SLC45A4: variants seen among roughly 807,000 people sequenced by gnomAD.
The protein encoded by SLC45A4 is polyamine-transporter SLC45A4.
A neutral mutation model predicts 63.7 loss-of-function variants in SLC45A4; 32 were observed. The observed-to-expected ratio is 0.50, with a 90% CI of 0.38 to 0.67. SLC45A4 has a LOEUF of 0.67. Among genes scored for constraint, SLC45A4 ranks in the 30% least tolerant of loss-of-function variants. The pLI is 0.00. For synonymous variants in SLC45A4, 535 were observed against 510.0 expected, an observed-to-expected ratio of 1.05 and a Z score of -0.66; for missense variants, 1,027 against 1,157.7, an observed-to-expected ratio of 0.89 and a Z score of 1.64.
At position 141,212,392 on chromosome 8, in the gene SLC45A4, G is replaced by A; in HGVS notation, c.2106C>T (p.Gly702=). 1.2e-6 allele frequency: 2 copies of A among 1,613,726 alleles called. No homozygotes were observed. The highest frequency in any genetic ancestry group is 1.7e-6 in the Non-Finnish European group (2 of 1,180,036). The change falls in exon 8 of 9, where the codon GGC becomes GGT. Residue 702 remains glycine (G), a synonymous_variant. Coordinates refer to ENST00000517878, the MANE Select transcript of SLC45A4 (RefSeq NM_001286646.2). ...TGGCCGTCAGGAAGCCCAGGAAAGAGCCCACAGAGGCCACCATGGGGATGA... is the reference window on the plus strand; with the variant it reads ...TGGCCGTCAGGAAGCCCAGGAAAGAACCCACAGAGGCCACCATGGGGATGA... The part of the protein sequence containing the change: ...VRVIPMVASV[G]SFLGFLTATF...
Position 141,208,532 on chromosome 8 carries a change from G to A in SLC45A4, c.*3040C>T, listed in dbSNP as rs1356003625. The stretch of plus-strand genomic sequence containing the variant: ...TGCCTCCCCCCCGGGGACAGGACTG[G>A]ACAGAGTGCTTCTCCCAGGGGCCTG... On this transcript the variant is annotated 3_prime_UTR_variant, in exon 9 of 9. Coordinates refer to ENST00000517878, the MANE Select transcript of SLC45A4 (RefSeq NM_001286646.2). 1 of 152,548 alleles carries A rather than the reference G, an allele frequency of 6.6e-6. No homozygotes were observed. Among genetic ancestry groups the A allele is most frequent in the Non-Finnish European group, 1.5e-5 (1 of 68,300 alleles). The allele number at this position is 152,548 out of a possible 1,614,324, so 9.4% of individuals were successfully genotyped here. A position where few individuals can be genotyped will look rare whatever the true frequency, so the allele number is the denominator to read the frequency against.
intron 2 of SLC45A4, chr8:141,230,382 CCCATGGGTG>C: frequency 3.0e-6 from 1 of 338,654 alleles, no homozygotes; most frequent in Non-Finnish European, 5.8e-6. Context: ...GCCGCAAAGA[CCCATGGGTG>C]CCGAGGGTTC....
rs1828778101 is a variant in SLC45A4 at position 141,256,438 on chromosome 8, C to T, written c.-400-1809G>A. The T allele has an allele frequency of 4.8e-6, 2 of 420,476 alleles. No individual in the cohort carries two copies. The highest frequency in any genetic ancestry group is 7.0e-4 in the Middle Eastern group (2 of 2,852). 26.0% of individuals were successfully genotyped at this position (420,476 alleles called of 1,614,324 possible). The stretch of plus-strand genomic sequence containing the variant: ...AATTAGCTCCTCCTCTCTTTCTCCC[C>T]AGAGGAGACCAGAAACCTCGAGGTG... On this transcript the variant is annotated intron_variant, in intron 1 of 8. Coordinates refer to ENST00000517878, the MANE Select transcript of SLC45A4 (RefSeq NM_001286646.2). The surrounding 1 kb of genome is among the most constrained non-coding windows in gnomAD (Gnocchi z 4.3).
chr8:141,217,079 G>A lies in SLC45A4; in HGVS notation c.1729+11C>T. On this transcript the variant is annotated intron_variant, in intron 6 of 8. Coordinates refer to ENST00000517878, the MANE Select transcript of SLC45A4 (RefSeq NM_001286646.2). ...GGGTGCGAGTGCTGACCTGACTTGG[G>A]GAGCTCTTACCTGAACAAATAGCAC... 6.2e-7 allele frequency: 1 copy of A among 1,613,464 alleles called. No homozygotes were observed. The highest frequency in any genetic ancestry group is 8.5e-7 in the Non-Finnish European group (1 of 1,179,762).
At chr8:141,274,723 T>C (rs1394874454) in intron 1 of SLC45A4, among the ~76,000 whole-genome samples, 1 of 152,162 alleles carries the variant, frequency 6.6e-6, no homozygotes. Flanking sequence ...AGGTCAGCCA[T>C]CTCGAGGGAC....
At chr8:141,213,486 T>C (rs1358645558) in intron 7 of SLC45A4, among the ~76,000 whole-genome samples, 1 of 152,230 alleles carries the variant, frequency 6.6e-6, no homozygotes, top group African/African-American at 2.4e-5. Context: ...AAATAATTCA[T>C]GGTTCAAAAT....
intron 1 of SLC45A4, among the ~76,000 whole-genome samples, chr8:141,268,450 G>C (rs1410227408): frequency 6.6e-6 from 1 of 152,142 alleles, no homozygotes; most frequent in Non-Finnish European, 1.5e-5. Flanking sequence ...CCTCCGCACT[G>C]GGGTGACAGA....
intron 1 of SLC45A4, among the ~76,000 whole-genome samples, chr8:141,263,596 C>G (rs1239140284): frequency 6.7e-6 from 1 of 148,820 alleles, no homozygotes; most frequent in African/African-American, 2.5e-5. Context: ...AACCCCATCT[C>G]TACTTAAAAA....
At chr8:141,295,751 G>A (rs1046906388) in intron 1 of SLC45A4, among the ~76,000 whole-genome samples, 6 of 152,204 alleles carry the variant, frequency 3.9e-5, no homozygotes, top group African/African-American at 7.2e-5. Flanking sequence ...AAGCACCTGG[G>A]AAGGTTACCC....
intron 1 of SLC45A4, among the ~76,000 whole-genome samples, chr8:141,284,257 G>A (rs1274844586): frequency 2.0e-5 from 3 of 152,204 alleles, no homozygotes; most frequent in East Asian, 1.9e-4. Context: ...AAGAGAGCTC[G>A]GCTGGTGGGC....
At chr8:141,303,246 C>A (rs1830802278) in intron 1 of SLC45A4, among the ~76,000 whole-genome samples, 1 of 151,960 alleles carries the variant, frequency 6.6e-6, no homozygotes, top group African/African-American at 2.4e-5. Context: ...ATCTGCCCGC[C>A]TCAGCCGCCT....
Position 141,218,184 on chromosome 8 carries a change from C to T in SLC45A4, c.1456G>A (p.Glu486Lys). The part of the protein sequence containing the change: ...ATTSSGDTES[E>K]EGEGETTVRL... ...ACCGTGGTCTCGCCCTCCCCCTCCT[C>T]ACTCTCGGTGTCCCCGCTGGAGGTG... is the stretch of plus-strand genomic sequence containing the variant. The change falls in exon 5 of 9, where the codon GAG becomes AAG. Residue 486 changes from glutamate to lysine, a missense_variant. Transcript: ENST00000517878. 3 of 1,605,038 alleles carry T rather than the reference C, an allele frequency of 1.9e-6. No homozygotes were observed. The highest frequency in any genetic ancestry group is 2.5e-6 in the Non-Finnish European group (3 of 1,179,898).
chr8:141,223,537 G>GC (rs1207951649), intron 2 of SLC45A4, among the ~76,000 whole-genome samples: 2 of 152,196 alleles, frequency 1.3e-5, no homozygotes, highest in African/African-American at 2.4e-5. Context: ...GTGCCAGGCA[G>GC]CCCCTCGCAG....
intron 3 of SLC45A4, among the ~76,000 whole-genome samples, 163 bp downstream of exon 3, chr8:141,221,414 G>A (rs1164785855): frequency 6.6e-6 from 1 of 152,252 alleles, no homozygotes; most frequent in African/African-American, 2.4e-5. Flanking sequence ...CAGCTTCGGC[G>A]CTGCCAGGGG....
intron 1 of SLC45A4, among the ~76,000 whole-genome samples, chr8:141,286,469 G>A (rs1447224019): frequency 6.6e-6 from 1 of 152,126 alleles, no homozygotes; most frequent in East Asian, 1.9e-4. Flanking sequence ...TTACCCACAC[G>A]CCCTACTTAA....
chr8:141,304,556 C>CAA (rs61384705), intron 1 of SLC45A4, among the ~76,000 whole-genome samples: 85 of 127,408 alleles, frequency 6.7e-4, no homozygotes, highest in African/African-American at 2.6e-3. Context: ...AAGACTGTCT[C>CAA]AAAAAAAAAA....
intron 2 of SLC45A4, among the ~76,000 whole-genome samples, chr8:141,222,298 C>T (rs899748618): frequency 6.6e-6 from 1 of 152,344 alleles, no homozygotes. Context: ...CATGGAGGGT[C>T]CTGCAGAGGG....
intron 2 of SLC45A4, chr8:141,226,309 C>G (rs1360493289): frequency 6.6e-6 from 1 of 152,384 alleles, no homozygotes; most frequent in Admixed American, 6.5e-5. Context: ...ACCGCCCGTG[C>G]CTCCCACCCA....
chr8:141,289,897 G>A (rs989742984), intron 1 of SLC45A4, among the ~76,000 whole-genome samples: 5 of 151,680 alleles, frequency 3.3e-5, no homozygotes, highest in Admixed American at 1.3e-4. Context: ...ACACTGGAGC[G>A]AGGTGCCCCC....
Sources: gnomAD v4.1 joint callset for allele counts (sites outside exome capture counted in the v4.1 genomes callset) on GRCh38, gnomAD v4.1.1 for gene constraint, Gnocchi (gnomAD v3.1) non-coding constraint, MANE v1.5 for transcripts, NCBI Gene and HGNC (gene_info 2026-07-23, HGNC 2026-07-21) for gene names.